The following UBR3 variants were observed in gnomAD, a reference collection of about 807,000 sequenced individuals.
The protein encoded by UBR3 is E3 ubiquitin-protein ligase UBR3.
A neutral mutation model predicts 243.2 loss-of-function variants in UBR3; 85 were observed. That is an observed-to-expected ratio of 0.35 (90% confidence interval 0.29 to 0.42). The LOEUF (loss-of-function observed/expected upper bound fraction) is 0.42. Among genes scored for constraint, UBR3 ranks in the 10% least tolerant of loss-of-function variants. The pLI, the probability that UBR3 is intolerant of heterozygous loss-of-function variation, is 1.00. For synonymous variants in UBR3, 748 were observed against 799.8 expected (o/e 0.94, Z 1.09); for missense variants, 1,686 against 2,300.8 (o/e 0.73, Z 5.47).
chr2:169,834,216 G>T (rs1352375645), intron 1 of UBR3, among the ~76,000 whole-genome samples: 1 of 152,128 alleles, frequency 6.6e-6, no homozygotes, highest in African/African-American at 2.4e-5. Context: ...CATATTTATG[G>T]ATACTATCTC....
intron 19 of UBR3, among the ~76,000 whole-genome samples, chr2:169,933,535 A>G (rs1435921189): frequency 1.3e-5 from 2 of 152,220 alleles, no homozygotes; most frequent in Non-Finnish European, 1.5e-5. Context: ...TCAATTTTGT[A>G]TGTTATTGTA....
intron 35 of UBR3, among the ~76,000 whole-genome samples, chr2:170,065,541 C>G (rs990891287): frequency 6.6e-6 from 1 of 152,156 alleles, no homozygotes; most frequent in African/African-American, 2.4e-5. Flanking sequence ...GATCCACCCC[C>G]CTCAGCTCCC....
intron 35 of UBR3, among the ~76,000 whole-genome samples, chr2:170,072,827 G>T (rs530331252): frequency 1.1e-4 from 16 of 152,196 alleles, no homozygotes; most frequent in African/African-American, 3.9e-4. Context: ...ATATATTTCT[G>T]TGTTTCCAAG....
chr2:169,852,850 C>CAAAAAGAAAAAA (rs2082703701), intron 1 of UBR3, among the ~76,000 whole-genome samples: 1 of 48,284 alleles, frequency 2.1e-5, no homozygotes, highest in Non-Finnish European at 3.3e-5. Flanking sequence ...GACTTCATCT[C>CAAAAAGAAAAAA]AAAAAAAAAA....
chr2:169,914,867 TG>T (rs1559088867), intron 11 of UBR3, among the ~76,000 whole-genome samples: 52 of 146,604 alleles, frequency 3.5e-4, no homozygotes, highest in Middle Eastern at 3.5e-3. Flanking sequence ...TGTGTGTGTG[TG>T]TGTGTTTTTT....
intron 24 of UBR3, among the ~76,000 whole-genome samples, chr2:169,969,514 T>C (rs2087988327): frequency 1.3e-5 from 2 of 151,986 alleles, no homozygotes; most frequent in African/African-American, 4.8e-5. Context: ...TATGTGTATT[T>C]ATTTCTGTGT....
chr2:169,891,285 C>A, intron 6 of UBR3, 54 bp downstream of exon 6: 1 of 1,372,582 alleles, frequency 7.3e-7, no homozygotes, highest in Non-Finnish European at 1.0e-6. Flanking sequence ...CTAAAAAATG[C>A]CTAATCACTA....
chr2:169,987,406 A>C (rs906808176), intron 25 of UBR3, among the ~76,000 whole-genome samples: 5 of 150,570 alleles, frequency 3.3e-5, no homozygotes, highest in African/African-American at 7.3e-5. Flanking sequence ...AAAAAAAAAA[A>C]AACAAAAAAA....
At position 170,083,665 on chromosome 2, in the gene UBR3, G is replaced by A. The variant is rs2105465324; in HGVS notation, c.*1822G>A. The A allele has an allele frequency of 6.6e-6, 1 of 152,666 alleles. No individual in the cohort carries two copies. 9.5% of individuals were successfully genotyped at this position (152,666 alleles called of 1,614,324 possible). A position where few individuals can be genotyped will look rare whatever the true frequency, so the allele number is the denominator to read the frequency against. ...ACATGGTATAATGTATTCAGACTTT[G>A]ATTACTACTTATTTAAAATGGAATG... On this transcript the variant is annotated 3_prime_UTR_variant, in exon 39 of 39. Coordinates refer to ENST00000272793, the MANE Select transcript of UBR3 (RefSeq NM_172070.4).
intron 23 of UBR3, among the ~76,000 whole-genome samples, chr2:169,953,315 C>T (rs2087123467): frequency 6.6e-6 from 1 of 152,070 alleles, no homozygotes; most frequent in Admixed American, 6.6e-5. Flanking sequence ...CCTCTGGTTT[C>T]GTTTTGGATT....
chr2:170,023,228 C>T (rs1444212208), intron 30 of UBR3, among the ~76,000 whole-genome samples: 1 of 151,890 alleles, frequency 6.6e-6, no homozygotes, highest in Non-Finnish European at 1.5e-5. Context: ...CCATCTCAGC[C>T]TTCTGAGTAG....
chr2:170,023,618 A>C (rs1422423905), intron 30 of UBR3, among the ~76,000 whole-genome samples: 1 of 151,578 alleles, frequency 6.6e-6, no homozygotes, highest in East Asian at 1.9e-4. Flanking sequence ...TTTGAGACGG[A>C]GTCTTGCTCT....
chr2:169,888,623 C>G (rs2084205871), intron 5 of UBR3, among the ~76,000 whole-genome samples: 1 of 152,164 alleles, frequency 6.6e-6, no homozygotes, highest in South Asian at 2.1e-4. Flanking sequence ...TAAATAATTT[C>G]ATACTGCATA....
At chr2:169,834,755 A>T (rs1260271928) in intron 1 of UBR3, among the ~76,000 whole-genome samples, 1 of 152,264 alleles carries the variant, frequency 6.6e-6, no homozygotes, top group Non-Finnish European at 1.5e-5. Flanking sequence ...ACTCTAAAAC[A>T]TAACTCAAAT....
At chr2:170,011,277 G>A (rs1362530737) in intron 29 of UBR3, among the ~76,000 whole-genome samples, 1 of 152,140 alleles carries the variant, frequency 6.6e-6, no homozygotes, top group African/African-American at 2.4e-5. Context: ...CTCAAAACAG[G>A]AAACCAGGCC....
rs559142473 is a variant in UBR3 at position 169,865,095 on chromosome 2, A to T, written c.546-7141A>T. 3.9e-4 allele frequency among the ~76,000 whole-genome samples: 58 copies of T among 148,108 alleles called. 1 individual carries two copies. Among genetic ancestry groups the T allele is most frequent in the South Asian group, 3.7e-3 (17 of 4,644 alleles). On this transcript the variant is annotated intron_variant, in intron 1 of 38. Coordinates refer to ENST00000272793, the MANE Select transcript of UBR3 (RefSeq NM_172070.4). ...AGTGAGACTCCGTCTCGAAAAAAAA[A>T]TTTTTTTTTTTGTTCTACTATTAAT...
chr2:170,046,384 C>G (rs1485301309), intron 32 of UBR3, among the ~76,000 whole-genome samples: 1 of 152,142 alleles, frequency 6.6e-6, no homozygotes, highest in Non-Finnish European at 1.5e-5. Flanking sequence ...CCTCCTACCT[C>G]CTTGCATTTT....
intron 24 of UBR3, among the ~76,000 whole-genome samples, chr2:169,974,493 C>T (rs114071258): frequency 0.016 from 2,434 of 152,006 alleles, 43 homozygotes; most frequent in Middle Eastern, 0.031. Context: ...TTTGTATTTC[C>T]GTGGCATCGT....
chr2:169,948,023 A>C, intron 22 of UBR3: 1 of 736,370 alleles, frequency 1.4e-6, no homozygotes, highest in African/African-American at 1.9e-5. Flanking sequence ...TTGTGTGTGT[A>C]TGGGTGTTTA....
Sources: allele counts gnomAD v4.1 joint callset (sites outside exome capture counted in the v4.1 genomes callset), GRCh38; gene constraint gnomAD v4.1.1; transcripts MANE v1.5; gene names NCBI Gene and HGNC (gene_info 2026-07-23, HGNC 2026-07-21).